ZBTB45: variants seen among roughly 807,000 people sequenced by gnomAD.
The protein encoded by ZBTB45 is zinc finger and BTB domain-containing protein 45.
Under a neutral mutation model 28.4 loss-of-function variants are expected in ZBTB45, and 22 were observed. The ratio of observed to expected loss-of-function variants is 0.77; its 90% confidence interval spans 0.55 to 1.10. The LOEUF is 1.10. ZBTB45 is among the 50% of genes least tolerant of loss of function. ZBTB45 has a pLI of 0.00. For missense variants in ZBTB45, 656 were observed against 750.2 expected (o/e 0.87, Z 1.47); for synonymous variants, 361 against 332.3 (o/e 1.09, Z -0.94).
intron 1 of ZBTB45, among the ~76,000 whole-genome samples, chr19:58,533,781 A>G (rs575090380): frequency 2.6e-4 from 39 of 152,316 alleles, no homozygotes; most frequent in African/African-American, 9.1e-4. Flanking sequence ...TTACAGTTAA[A>G]GAAACACCCA....
chr19:58,515,630 C>A lies in ZBTB45; in HGVS notation c.1279+765G>T, dbSNP rs546016715. 1.3e-5 allele frequency among the ~76,000 whole-genome samples: 2 copies of A among 152,298 alleles called. No individual in the cohort carries two copies. Among genetic ancestry groups the A allele is most frequent in the Non-Finnish European group, 1.5e-5 (1 of 68,016 alleles). On this transcript the variant is annotated intron_variant, in intron 2 of 2. Coordinates refer to ENST00000594051, the MANE Select transcript of ZBTB45 (RefSeq NM_001316979.2). This position sits in a 1 kb window ranked among gnomAD's most constrained non-coding sequence, Gnocchi z 4.7. ...TCCCAAGTTCCAGCCCCTGCAGAAA[C>A]CCCCTCACTATCACTGTGGCCTTCC...
At chr19:58,518,528 G>C (rs2053544677) in intron 1 of ZBTB45, among the ~76,000 whole-genome samples, 2 of 152,138 alleles carry the variant, frequency 1.3e-5, no homozygotes, top group Admixed American at 1.3e-4. Context: ...CACAGAGAGG[G>C]GAAGTGTGGA....
At chr19:58,534,106 T>G (rs2053648103) in intron 1 of ZBTB45, among the ~76,000 whole-genome samples, 1 of 152,136 alleles carries the variant, frequency 6.6e-6, no homozygotes, top group Non-Finnish European at 1.5e-5. Flanking sequence ...TCACAGCTGG[T>G]TAGCTGAGGT....
chr19:58,529,796 G>A (rs1221780747), intron 1 of ZBTB45, among the ~76,000 whole-genome samples: 2 of 152,078 alleles, frequency 1.3e-5, no homozygotes, highest in Non-Finnish European at 2.9e-5. Context: ...TACATAAATG[G>A]AACCATACAA....
intron 1 of ZBTB45, among the ~76,000 whole-genome samples, chr19:58,528,325 C>T (rs1379998933): frequency 5.9e-5 from 9 of 152,084 alleles, no homozygotes; most frequent in Admixed American, 5.9e-4. Flanking sequence ...CACACCGCCT[C>T]GTGTTGTTTG....
upstream of ZBTB45, among the ~76,000 whole-genome samples, chr19:58,521,788 C>T (rs2053580153): frequency 6.6e-6 from 1 of 152,144 alleles, no homozygotes; most frequent in African/African-American, 2.4e-5. Flanking sequence ...TACCAGGCCC[C>T]TTCGTGATCT....
intron 1 of ZBTB45, among the ~76,000 whole-genome samples, chr19:58,528,591 C>T (rs141824793): frequency 6.6e-6 from 1 of 151,950 alleles, no homozygotes; most frequent in African/African-American, 2.4e-5. Flanking sequence ...GAAACCCCAT[C>T]TCTACTAAAA....
At chr19:58,522,225 G>A (rs746280349), upstream of ZBTB45, among the ~76,000 whole-genome samples, 3 of 150,930 alleles carry the variant, frequency 2.0e-5, no homozygotes, top group Non-Finnish European at 2.9e-5. Context: ...GCAATGGCGC[G>A]ATCTTGGCTC....
intron 1 of ZBTB45, among the ~76,000 whole-genome samples, chr19:58,529,293 T>C (rs1036907243): frequency 6.6e-6 from 1 of 152,086 alleles, no homozygotes; most frequent in Non-Finnish European, 1.5e-5. Flanking sequence ...AAAAAAAGTT[T>C]AGCCAGGCAT....
intron 1 of ZBTB45, among the ~76,000 whole-genome samples, chr19:58,528,799 C>G (rs1428104818): frequency 1.3e-5 from 2 of 150,884 alleles, no homozygotes; most frequent in African/African-American, 4.9e-5. Flanking sequence ...GAGGCTGAGG[C>G]AGGAGAATCA....
Position 58,516,987 on chromosome 19 carries a change from G to T in ZBTB45, c.687C>A (p.Gly229=), listed in dbSNP as rs752608483. 3 of 1,613,182 alleles carry T rather than the reference G, an allele frequency of 1.9e-6. No homozygotes were observed. The highest frequency in any genetic ancestry group is 1.1e-5 in the South Asian group (1 of 91,082). Residue 229 remains glycine (G), a synonymous_variant, in exon 2 of 3, where the codon GGC becomes GGA. Coordinates refer to ENST00000594051, the MANE Select transcript of ZBTB45 (RefSeq NM_001316979.2). This position sits in a 1 kb window ranked among gnomAD's most constrained non-coding sequence, Gnocchi z 6.2. Reference sequence around the variant, plus strand: ...GGAAGGAAGGAGGTGCCTGGCCCTCGCCTGGGCCGCCACCTTCGCCATCCT... The same window carrying T: ...GGAAGGAAGGAGGTGCCTGGCCCTCTCCTGGGCCGCCACCTTCGCCATCCT... ...DGEDGEGGGP[G]EGQAPPSFPD... is the part of the protein sequence containing the mutation.
At chr19:58,519,379 G>A (rs903482429) in intron 1 of ZBTB45, 13 of 152,276 alleles carry the variant, frequency 8.5e-5, no homozygotes, top group African/African-American at 2.9e-4. Context: ...CCATTCCTCA[G>A]TCCCGACGCC....
chr19:58,517,742 C>T (rs1006903307), intron 1 of ZBTB45, 69 bp from the exon 2 acceptor site: 1 of 1,438,342 alleles, frequency 7.0e-7, no homozygotes, highest in Non-Finnish European at 9.5e-7. Context: ...CGTCCCTGTC[C>T]CCTCACCCCT....
chr19:58,513,908 T>C lies in ZBTB45; in HGVS notation c.*146A>G. On this transcript the variant is annotated 3_prime_UTR_variant, in exon 3 of 3. Transcript: ENST00000594051. ...GGAGTAAGGCGGACTTAGGCCCTGGTATGGAGAAAGGGTGAAGGGAGAGAG... is the reference window on the plus strand; with the variant it reads ...GGAGTAAGGCGGACTTAGGCCCTGGCATGGAGAAAGGGTGAAGGGAGAGAG... 2 of 1,002,400 alleles carry C rather than the reference T, an allele frequency of 2.0e-6. No individual in the cohort carries two copies. Among genetic ancestry groups the C allele is most frequent in the South Asian group, 5.0e-5 (2 of 39,690 alleles). 62.1% of individuals were successfully genotyped at this position (1,002,400 alleles called of 1,614,324 possible).
At chr19:58,519,422 C>A (rs2053557848) in intron 1 of ZBTB45, 1 of 152,450 alleles carries the variant, frequency 6.6e-6, no homozygotes, top group South Asian at 2.0e-4. Flanking sequence ...AGAACAAAGG[C>A]CTGCACTCGA....
chr19:58,513,777 C>T lies in ZBTB45; in HGVS notation c.*277G>A, dbSNP rs942205659. The T allele has an allele frequency of 3.5e-5, 13 of 373,796 alleles. No individual in the cohort carries two copies. Among genetic ancestry groups the T allele is most frequent in the Admixed American group, 4.7e-5 (1 of 21,260 alleles). 23.2% of individuals were successfully genotyped at this position (373,796 alleles called of 1,614,324 possible). A position where few individuals can be genotyped will look rare whatever the true frequency, so the allele number is the denominator to read the frequency against. On this transcript the variant is annotated 3_prime_UTR_variant, in exon 3 of 3. Coordinates refer to ENST00000594051, the MANE Select transcript of ZBTB45 (RefSeq NM_001316979.2). ...TCAAATCTTGGGCCGGGTCCAAGCG[C>T]CTGAGCGCCCGGTTTACGCAGGAAA...
In ZBTB45 at chr19:58,516,372, T is replaced by C. The variant is rs761528625; in HGVS notation, c.1279+23A>G. 1.9e-6 allele frequency: 3 copies of C among 1,613,686 alleles called. No individual in the cohort carries two copies. In the Admixed American group the frequency reaches 5.0e-5, roughly 27 times the overall value. ...AACTCTCCGATGAGAGATTGCTCCC[T>C]CTCCTCCCCCGCCCTGGCTCACCCG... On this transcript the variant is annotated intron_variant, in intron 2 of 2. Transcript: ENST00000594051. This position sits in a 1 kb window ranked among gnomAD's most constrained non-coding sequence, Gnocchi z 6.2.
At position 58,529,317 on chromosome 19, in the gene ZBTB45, C is replaced by G. The variant is rs573607868; in HGVS notation, c.-1+9384G>C. Reference sequence around the variant, plus strand: ...TTAGCCAGGCATGATGGCGTGTACCCGTAGTCCCAGCTATGCTGGAGGCTG... The same window carrying G: ...TTAGCCAGGCATGATGGCGTGTACCGGTAGTCCCAGCTATGCTGGAGGCTG... On this transcript the variant is annotated intron_variant, in intron 1 of 1. Transcript: ENST00000600130. 2.0e-5 allele frequency among the ~76,000 whole-genome samples: 3 copies of G among 152,196 alleles called. No individual in the cohort carries two copies. In the East Asian group the frequency reaches 5.8e-4, roughly 29 times the overall value.
Position 58,517,864 on chromosome 19 carries a change from C to T in ZBTB45, c.1-191G>A, listed in dbSNP as rs970109748. 7.2e-5 allele frequency among the ~76,000 whole-genome samples: 11 copies of T among 151,944 alleles called. No individual in the cohort carries two copies. In the South Asian group the frequency reaches 1.0e-3, roughly 14 times the overall value. ...ACACAGGACACTCCAGCACTCCCTC[C>T]TCCCCCTACCTCAGACCTGGCCAGG... is the stretch of plus-strand genomic sequence containing the variant. On this transcript the variant is annotated intron_variant, in intron 1 of 2. Transcript: ENST00000594051.
Sources: gnomAD v4.1 joint callset for allele counts (sites outside exome capture counted in the v4.1 genomes callset) on GRCh38, gnomAD v4.1.1 for gene constraint, Gnocchi (gnomAD v3.1) non-coding constraint, MANE v1.5 for transcripts, NCBI Gene and HGNC (gene_info 2026-07-23, HGNC 2026-07-21) for gene names.